DENND1A: variants seen among roughly 807,000 people sequenced by gnomAD.
DENND1A encodes the protein DENN domain-containing protein 1A.
A neutral mutation model predicts 113.7 loss-of-function variants in DENND1A; 51 were observed. The observed-to-expected ratio is 0.45, with a 90% confidence interval of 0.36 to 0.57. The LOEUF (loss-of-function observed/expected upper bound fraction) is 0.57. Ranked by LOEUF, DENND1A falls within the 20% of genes least tolerant of loss-of-function variation. The probability of loss-of-function intolerance (pLI) is 0.00; values close to 1 mark genes in which losing one functional copy is unlikely to be tolerated. For missense variants in DENND1A, 1,258 were observed against 1,395.9 expected (o/e 0.90, Z 1.57); for synonymous variants, 565 against 570.8 (o/e 0.99, Z 0.14).
chr9:123,771,955 A>G (rs1354584953), intron 3 of DENND1A, among the ~76,000 whole-genome samples: 1 of 152,190 alleles, frequency 6.6e-6, no homozygotes. Flanking sequence ...TGATATTACA[A>G]GAGCTTGATA....
intron 2 of DENND1A, among the ~76,000 whole-genome samples, chr9:123,868,335 G>A (rs1194636046): frequency 1.3e-5 from 2 of 152,158 alleles, no homozygotes; most frequent in East Asian, 1.9e-4. Flanking sequence ...TTTACTTTCT[G>A]TTTTTCAGTT....
chr9:123,632,611 T>C (rs2061526369), intron 9 of DENND1A, among the ~76,000 whole-genome samples: 1 of 152,030 alleles, frequency 6.6e-6, no homozygotes, highest in Non-Finnish European at 1.5e-5. Flanking sequence ...GCCCATCACT[T>C]CCTACTCAGA....
In DENND1A at chr9:123,468,879, C is replaced by A. The variant is rs12002627; in HGVS notation, c.994-10982G>T. 3.7e-3 allele frequency among the ~76,000 whole-genome samples: 569 copies of A among 152,368 alleles called. 6 individuals are homozygous for A. Among genetic ancestry groups the A allele is most frequent in the African/African-American group, 0.013 (551 of 41,586 alleles). Reference sequence around the variant, plus strand: ...GACCAGATGACCTGCATCCTTCACTCACCAAATCCTCGCCAGAAGGGAGAT... The same window carrying A: ...GACCAGATGACCTGCATCCTTCACTAACCAAATCCTCGCCAGAAGGGAGAT... On this transcript the variant is annotated intron_variant, in intron 13 of 23. Transcript: ENST00000394215.
intron 2 of DENND1A, among the ~76,000 whole-genome samples, chr9:123,834,016 G>A (rs368261992): frequency 9.2e-5 from 14 of 152,130 alleles, no homozygotes; most frequent in Admixed American, 3.9e-4. Flanking sequence ...AGATCACGCC[G>A]CTGCACTCCA....
chr9:123,411,524 A>T (rs2044307983), intron 20 of DENND1A: 1 of 152,956 alleles, frequency 6.5e-6, no homozygotes, highest in African/African-American at 2.4e-5. Context: ...CACGCAGCAC[A>T]CGCAGCACAC....
chr9:123,435,637 G>A lies in DENND1A; in HGVS notation c.1488+4723C>T, dbSNP rs952871612. Among the ~76,000 whole-genome samples, 12 of 152,324 alleles carry A rather than the reference G, an allele frequency of 7.9e-5. 1 individual carries two copies. Among genetic ancestry groups the A allele is most frequent in the Admixed American group, 3.9e-4 (6 of 15,300 alleles). ...CATTTGGAGGAAATACAAAGAAGGG[G>A]GCCCTGGAAGGGGTTTGCTGTGATA... On this transcript the variant is annotated intron_variant, in intron 19 of 23. Transcript: ENST00000394215.
At chr9:123,845,937 A>G (rs997075946) in intron 2 of DENND1A, among the ~76,000 whole-genome samples, 2 of 152,146 alleles carry the variant, frequency 1.3e-5, no homozygotes, top group African/African-American at 4.8e-5. Flanking sequence ...AAGTTAACCT[A>G]CAAAGTGGGA....
intron 1 of DENND1A, among the ~76,000 whole-genome samples, chr9:123,922,376 AT>A (rs1426887779): frequency 6.6e-6 from 1 of 152,216 alleles, no homozygotes; most frequent in Admixed American, 6.5e-5. Context: ...GTGAGCATAC[AT>A]CTGATAAATA....
intron 13 of DENND1A, among the ~76,000 whole-genome samples, chr9:123,520,351 C>T (rs771952878): frequency 2.6e-4 from 39 of 151,662 alleles, no homozygotes; most frequent in Non-Finnish European, 4.9e-4. Context: ...CTCAGCTACT[C>T]GGGAGGCTGA....
At chr9:123,521,132 G>C (rs2054362244) in intron 13 of DENND1A, among the ~76,000 whole-genome samples, 1 of 152,146 alleles carries the variant, frequency 6.6e-6, no homozygotes, top group South Asian at 2.1e-4. Context: ...CGGTTCCCCA[G>C]ATGAAATTTC....
At position 123,422,658 on chromosome 9, in the gene DENND1A, G is replaced by A. The variant is rs1334851142; in HGVS notation, c.1489-10829C>T. On this transcript the variant is annotated intron_variant, in intron 19 of 23. Transcript: ENST00000394215. The surrounding 1 kb of genome is among the most constrained non-coding windows in gnomAD (Gnocchi z 4.8). ...AATCCTAGCTAATAGGTTAACAACT[G>A]TTTTTCTTCAGCTTCAAATGAAGAA... Among the ~76,000 whole-genome samples, 1 of 152,216 alleles carries A rather than the reference G, an allele frequency of 6.6e-6. No individual in the cohort carries two copies. Among genetic ancestry groups the A allele is most frequent in the Non-Finnish European group, 1.5e-5 (1 of 68,046 alleles).
intron 1 of DENND1A, among the ~76,000 whole-genome samples, chr9:123,923,289 GAA>G (rs1212550194): frequency 2.6e-5 from 4 of 152,200 alleles, no homozygotes; most frequent in African/African-American, 7.2e-5. Flanking sequence ...ATGTTTTCCA[GAA>G]AAGTCATGAA....
At chr9:123,521,910 C>T (rs1382567272) in intron 13 of DENND1A, among the ~76,000 whole-genome samples, 3 of 152,212 alleles carry the variant, frequency 2.0e-5, no homozygotes, top group Non-Finnish European at 4.4e-5. Context: ...AATGACAACG[C>T]ATGGGAAGTG....
chr9:123,531,375 A>C lies in DENND1A; in HGVS notation c.993+26195T>G, dbSNP rs1236051565. Reference sequence around the variant, plus strand: ...TACATTTGGACTTCATTTTTAAAAAATCTTTTCCATTCCCTGAGTCTTTTT... The same window carrying C: ...TACATTTGGACTTCATTTTTAAAAACTCTTTTCCATTCCCTGAGTCTTTTT... On this transcript the variant is annotated intron_variant, in intron 13 of 23. Transcript: ENST00000394215. Among the ~76,000 whole-genome samples, 5 of 152,124 alleles carry C rather than the reference A, an allele frequency of 3.3e-5. No individual in the cohort carries two copies. The East Asian group carries it at 9.6e-4, about 29-fold the overall frequency.
At chr9:123,814,669 C>A (rs188691155) in intron 2 of DENND1A, among the ~76,000 whole-genome samples, 6 of 152,014 alleles carry the variant, frequency 3.9e-5, no homozygotes, top group Admixed American at 6.5e-5. Context: ...CTCAAAGAGA[C>A]CTTGGAACAA....
intron 13 of DENND1A, among the ~76,000 whole-genome samples, chr9:123,538,836 A>G (rs1410037372): frequency 8.5e-6 from 1 of 117,694 alleles, no homozygotes; most frequent in Non-Finnish European, 1.8e-5. Context: ...ATATATATAT[A>G]TATATATATA....
At chr9:123,750,985 T>C (rs1456057555) in intron 5 of DENND1A, among the ~76,000 whole-genome samples, 1 of 151,944 alleles carries the variant, frequency 6.6e-6, no homozygotes, top group Non-Finnish European at 1.5e-5. Context: ...CCTCCCCGAC[T>C]CCCTCCCCCA....
rs2069977500 is a variant in DENND1A, at chr9:123,751,003, A to G, written c.302+6700T>C. 3.3e-5 allele frequency among the ~76,000 whole-genome samples: 5 copies of G among 151,986 alleles called. No individual in the cohort carries two copies. In the South Asian group the frequency reaches 1.0e-3, roughly 32 times the overall value. On this transcript the variant is annotated intron_variant, in intron 5 of 23. Coordinates refer to ENST00000394215, the MANE Select transcript of DENND1A (RefSeq NM_001352964.2). ...CCCCGACTCCCTCCCCCACCTCCCA[A>G]ACACTTATTTTAAACTAAAGCAGCT...
At chr9:123,704,245 C>T (rs1385304347) in intron 5 of DENND1A, among the ~76,000 whole-genome samples, 1 of 152,062 alleles carries the variant, frequency 6.6e-6, no homozygotes, top group Non-Finnish European at 1.5e-5. Context: ...CTTTGAGCTC[C>T]CAAAATGATG....
Sources: gnomAD v4.1 joint callset for allele counts (sites outside exome capture counted in the v4.1 genomes callset) on GRCh38, gnomAD v4.1.1 for gene constraint, Gnocchi (gnomAD v3.1) non-coding constraint, MANE v1.5 for transcripts, NCBI Gene and HGNC (gene_info 2026-07-23, HGNC 2026-07-21) for gene names.